The following DOK5 variants were observed in gnomAD, a reference collection of about 807,000 sequenced individuals.
The protein encoded by DOK5 is downstream of tyrosine kinase 5.
In DOK5, 27 loss-of-function variants were observed where a neutral mutation model predicts 43.3. That is an observed-to-expected ratio of 0.62 (90% CI 0.46 to 0.86). The LOEUF is 0.86. DOK5 is among the 40% of genes least tolerant of loss of function. The probability of loss-of-function intolerance (pLI) is 0.00; values close to 1 mark genes in which losing one functional copy is unlikely to be tolerated. For synonymous variants in DOK5, 146 were observed against 140.1 expected, an observed-to-expected ratio of 1.04 and a Z score of -0.30; for missense variants, 373 against 392.9, an observed-to-expected ratio of 0.95 and a Z score of 0.43.
chr20:54,647,744 G>A (rs1324469453), intron 7 of DOK5, among the ~76,000 whole-genome samples: 1 of 152,160 alleles, frequency 6.6e-6, no homozygotes, highest in Non-Finnish European at 1.5e-5. Context: ...TACATGTTAA[G>A]TTCTCATGGA....
At chr20:54,541,145 T>C (rs1984145979) in intron 1 of DOK5, among the ~76,000 whole-genome samples, 1 of 152,202 alleles carries the variant, frequency 6.6e-6, no homozygotes. Context: ...TCCTAGACTT[T>C]TGTCTTAACC....
intron 6 of DOK5, among the ~76,000 whole-genome samples, chr20:54,610,789 G>A (rs768552214): frequency 1.3e-5 from 2 of 152,214 alleles, no homozygotes; most frequent in Non-Finnish European, 2.9e-5. Context: ...GACATCTATA[G>A]ACACAACCAT....
intron 1 of DOK5, among the ~76,000 whole-genome samples, chr20:54,534,464 T>C (rs1983885440): frequency 1.3e-5 from 2 of 152,218 alleles, no homozygotes; most frequent in Admixed American, 1.3e-4. Context: ...CTGAGATTAC[T>C]GGCATGTGCC....
chr20:54,650,316 C>T (rs1979639460), intron 7 of DOK5, 99 bp from the exon 8 acceptor site: 9 of 1,196,118 alleles, frequency 7.5e-6, no homozygotes, highest in Non-Finnish European at 8.4e-6. Flanking sequence ...GCCTTAAGTA[C>T]ATTTACTTAT....
intron 5 of DOK5, among the ~76,000 whole-genome samples, chr20:54,592,680 A>G (rs751126910): frequency 1.3e-5 from 2 of 151,678 alleles, no homozygotes; most frequent in Non-Finnish European, 2.9e-5. Flanking sequence ...AGCTGGGACT[A>G]CAGGTGCCCG....
At chr20:54,605,099 C>T (rs1986431166) in intron 5 of DOK5, among the ~76,000 whole-genome samples, 1 of 143,362 alleles carries the variant, frequency 7.0e-6, no homozygotes, top group African/African-American at 2.8e-5. Flanking sequence ...TGGCAGTGTC[C>T]ATATATTCTA....
chr20:54,584,139 G>A (rs1402476577), intron 2 of DOK5, among the ~76,000 whole-genome samples: 5 of 151,782 alleles, frequency 3.3e-5, no homozygotes, highest in African/African-American at 9.7e-5. Flanking sequence ...GTGAGCCTCT[G>A]TTTAAAAAAT....
At chr20:54,572,558 G>A (rs755724022) in intron 2 of DOK5, among the ~76,000 whole-genome samples, 10 of 152,072 alleles carry the variant, frequency 6.6e-5, no homozygotes, top group South Asian at 2.1e-4. Flanking sequence ...TGTTCAGAAC[G>A]TAATACCTAG....
intron 2 of DOK5, among the ~76,000 whole-genome samples, chr20:54,580,584 T>C (rs1600715358): frequency 6.6e-6 from 1 of 152,118 alleles, no homozygotes; most frequent in Admixed American, 6.5e-5. Flanking sequence ...GTGGTTATGG[T>C]TTTCATTTGC....
At chr20:54,561,568 C>T (rs975472327) in intron 2 of DOK5, among the ~76,000 whole-genome samples, 1 of 152,244 alleles carries the variant, frequency 6.6e-6, no homozygotes, top group African/African-American at 2.4e-5. Flanking sequence ...TGTTCTCCCT[C>T]ACACTGTAGA....
At chr20:54,611,408 A>C (rs1334147237) in intron 6 of DOK5, among the ~76,000 whole-genome samples, 1 of 152,074 alleles carries the variant, frequency 6.6e-6, no homozygotes, top group Admixed American at 6.6e-5. Context: ...CAAAAATACA[A>C]AAATTAGCCA....
intron 1 of DOK5, among the ~76,000 whole-genome samples, chr20:54,481,465 G>A (rs181009060): frequency 7.9e-5 from 12 of 152,206 alleles, no homozygotes; most frequent in African/African-American, 1.7e-4. Context: ...CACCGTGCCC[G>A]GCCTCAGACC....
chr20:54,619,529 A>G (rs1986919182), intron 6 of DOK5, among the ~76,000 whole-genome samples: 1 of 152,172 alleles, frequency 6.6e-6, no homozygotes, highest in African/African-American at 2.4e-5. Flanking sequence ...CCTGCTTTTA[A>G]CAGGTTTTTC....
At chr20:54,646,877 T>C (rs11907426) in intron 7 of DOK5, among the ~76,000 whole-genome samples, 3,970 of 148,060 alleles carry the variant, frequency 0.027, 194 homozygotes, top group African/African-American at 0.097. Flanking sequence ...TTCACCTACA[T>C]TGATGAATTT....
intron 1 of DOK5, among the ~76,000 whole-genome samples, chr20:54,536,040 G>C (rs1322387530): frequency 6.6e-6 from 1 of 152,122 alleles, no homozygotes; most frequent in African/African-American, 2.4e-5. Context: ...CAAAAATAAA[G>C]AAATGAGAAC....
intron 6 of DOK5, among the ~76,000 whole-genome samples, chr20:54,613,581 AC>A (rs147163384): frequency 0.059 from 8,996 of 152,254 alleles, 307 homozygotes; most frequent in Middle Eastern, 0.095. Context: ...TATATTGAAT[AC>A]ATTGCTTGTG....
intron 7 of DOK5, among the ~76,000 whole-genome samples, chr20:54,646,826 T>G (rs1201257604): frequency 1.3e-5 from 2 of 152,054 alleles, no homozygotes; most frequent in Non-Finnish European, 2.9e-5. Context: ...TAATTTCTTC[T>G]TGTTTTGCTG....
At chr20:54,628,373 C>CACT (rs1978398392) in intron 6 of DOK5, among the ~76,000 whole-genome samples, 1 of 125,686 alleles carries the variant, frequency 8.0e-6, no homozygotes, top group African/African-American at 3.1e-5. Flanking sequence ...CGCGCCACTG[C>CACT]ACTCCAGCCT....
At chr20:54,485,105 G>A (rs1017536101) in intron 1 of DOK5, among the ~76,000 whole-genome samples, 1 of 152,234 alleles carries the variant, frequency 6.6e-6, no homozygotes, top group African/African-American at 2.4e-5. Context: ...GCCGAGGCGG[G>A]CAGATCACAA....
Sources: gnomAD v4.1 joint callset for allele counts (sites outside exome capture counted in the v4.1 genomes callset) on GRCh38, gnomAD v4.1.1 for gene constraint, MANE v1.5 for transcripts, NCBI Gene and HGNC (gene_info 2026-07-23, HGNC 2026-07-21) for gene names.